Variants in DACH2 observed in about 807,000 individuals in gnomAD.
The protein encoded by DACH2 is dachshund family transcription factor 2.
Under a neutral mutation model 35.8 loss-of-function variants are expected in DACH2, and 17 were observed. The observed-to-expected ratio is 0.48, with a 90% confidence interval of 0.33 to 0.71. DACH2 has a LOEUF of 0.71. Among genes scored for constraint, DACH2 ranks in the 30% least tolerant of loss-of-function variants. DACH2 has a pLI of 0.02. For synonymous variants in DACH2, 195 were observed against 177.3 expected (o/e 1.10, Z -0.79); for missense variants, 469 against 472.7 (o/e 0.99, Z 0.07).
intron 1 of DACH2, among the ~76,000 whole-genome samples, chrX:86,310,458 G>A (rs1230988207): frequency 3.6e-5 from 4 of 111,102 alleles, no homozygotes; most frequent in East Asian, 5.7e-4. Context: ...ACTAGGGCCT[G>A]GTTCAGACAG....
At chrX:86,818,880 A>G (rs2042478821) in intron 11 of DACH2, among the ~76,000 whole-genome samples, 1 of 109,946 alleles carries the variant, frequency 9.1e-6, no homozygotes, top group Non-Finnish European at 1.9e-5. Flanking sequence ...AAAACATTAC[A>G]TGGCCACTCC....
chrX:86,161,449 C>CAGA (rs2030752661), intron 1 of DACH2: 1 of 437,914 alleles, frequency 2.3e-6, no homozygotes. Flanking sequence ...TTCCTGTGTT[C>CAGA]AGAACCCCTA....
intron 7 of DACH2, among the ~76,000 whole-genome samples, chrX:86,762,859 A>G (rs2041896762): frequency 8.9e-6 from 1 of 111,754 alleles, no homozygotes; most frequent in Non-Finnish European, 1.9e-5. Flanking sequence ...CAATTGCATT[A>G]TTATTGACTA....
chrX:86,549,753 T>C (rs1026862379), intron 3 of DACH2, among the ~76,000 whole-genome samples: 9 of 111,335 alleles, frequency 8.1e-5, no homozygotes, highest in African/African-American at 2.9e-4. Context: ...TTTTTAAGAA[T>C]AGTTATTTAG....
intron 1 of DACH2, among the ~76,000 whole-genome samples, chrX:86,216,540 C>T (rs1165760344): frequency 1.8e-5 from 2 of 111,085 alleles, no homozygotes; most frequent in African/African-American, 6.6e-5. Context: ...GACATGAACT[C>T]GTCCTTTTTT....
At chrX:86,761,674 A>G (rs1011501638) in intron 7 of DACH2, among the ~76,000 whole-genome samples, 3 of 112,024 alleles carry the variant, frequency 2.7e-5, no homozygotes, top group Admixed American at 9.5e-5. Flanking sequence ...TAGACTGGAT[A>G]AAGAAAATCC....
rs760097956 is a variant in DACH2, at chrX:86,336,454, G to T, written c.489-40370G>T. On this transcript the variant is annotated intron_variant, in intron 1 of 11. Transcript: ENST00000373125. ...TGCTGGTGATACCCAGGCAAACAGG[G>T]TCTGGAGTGGACCTTCAGCAAACTC... Among the ~76,000 whole-genome samples, 3 of 111,750 alleles carry T rather than the reference G, an allele frequency of 2.7e-5. No individual in the cohort carries two copies. The East Asian group carries it at 8.6e-4, about 32-fold the overall frequency.
At chrX:86,291,460 T>C (rs2034292026) in intron 1 of DACH2, among the ~76,000 whole-genome samples, 1 of 103,013 alleles carries the variant, frequency 9.7e-6, no homozygotes, top group African/African-American at 3.7e-5. Context: ...TCCAACACTA[T>C]ATTGAATAGG....
chrX:86,532,862 A>G (rs998510334), intron 3 of DACH2, among the ~76,000 whole-genome samples: 5 of 110,870 alleles, frequency 4.5e-5, no homozygotes, highest in Non-Finnish European at 9.4e-5. Context: ...AGAACCATAC[A>G]TTGTTCATTT....
chrX:86,365,309 A>G (rs1399510486), intron 1 of DACH2, among the ~76,000 whole-genome samples: 1 of 99,060 alleles, frequency 1.0e-5, no homozygotes, highest in Non-Finnish European at 2.0e-5. Context: ...GATTGAGATC[A>G]AGAGATAAAG....
At chrX:86,544,471 A>G (rs1445669211) in intron 3 of DACH2, among the ~76,000 whole-genome samples, 2 of 111,691 alleles carry the variant, frequency 1.8e-5, no homozygotes, top group Non-Finnish European at 3.8e-5. Context: ...AAGCCAAAAG[A>G]GATTAAGGGC....
intron 2 of DACH2, among the ~76,000 whole-genome samples, chrX:86,496,168 AAC>A (rs1383757914): frequency 8.9e-6 from 1 of 111,819 alleles, no homozygotes; most frequent in Non-Finnish European, 1.9e-5. Flanking sequence ...TAAAATGAAA[AAC>A]AATTTGAATG....
chrX:86,631,977 T>G (rs1033907055), intron 3 of DACH2, among the ~76,000 whole-genome samples: 5 of 110,127 alleles, frequency 4.5e-5, no homozygotes, highest in Non-Finnish European at 3.8e-5. Context: ...TTCAGAAAAC[T>G]ATCTAGTACA....
chrX:86,395,349 A>G (rs2036267896), intron 2 of DACH2, among the ~76,000 whole-genome samples: 1 of 111,317 alleles, frequency 9.0e-6, no homozygotes, highest in East Asian at 2.8e-4. Flanking sequence ...GTGATACAAC[A>G]AACTATTTGT....
chrX:86,307,525 G>A (rs2034714126), intron 1 of DACH2, among the ~76,000 whole-genome samples: 1 of 111,384 alleles, frequency 9.0e-6, no homozygotes. Context: ...CTCCAGTAGT[G>A]GCAACATCCC....
intron 3 of DACH2, among the ~76,000 whole-genome samples, chrX:86,580,647 G>T (rs1369514937): frequency 9.0e-6 from 1 of 111,539 alleles, no homozygotes; most frequent in African/African-American, 3.3e-5. Context: ...CTAAGAGCAT[G>T]AAGACTGGTT....
intron 2 of DACH2, among the ~76,000 whole-genome samples, chrX:86,466,773 T>A (rs774793765): frequency 8.3e-4 from 92 of 111,367 alleles, no homozygotes; most frequent in Non-Finnish European, 1.6e-3. Context: ...TGTGCACTCA[T>A]AGGCTCAACA....
intron 1 of DACH2, among the ~76,000 whole-genome samples, chrX:86,371,332 A>AAAAG (rs1321125366): frequency 1.8e-5 from 2 of 111,010 alleles, no homozygotes; most frequent in Non-Finnish European, 3.8e-5. Flanking sequence ...ACTGATTTTT[A>AAAAG]AAAGACTCAA....
chrX:86,478,005 T>C (rs745569442), intron 2 of DACH2, among the ~76,000 whole-genome samples: 1 of 111,916 alleles, frequency 8.9e-6, no homozygotes, highest in Non-Finnish European at 1.9e-5. Flanking sequence ...AGTTTAACTC[T>C]ATCCCTCTGA....
Sources: gnomAD v4.1 joint callset for allele counts (sites outside exome capture counted in the v4.1 genomes callset) on GRCh38, gnomAD v4.1.1 for gene constraint, MANE v1.5 for transcripts, NCBI Gene and HGNC (gene_info 2026-07-23, HGNC 2026-07-21) for gene names.